PPM1L: variants seen among roughly 807,000 people sequenced by gnomAD.
PPM1L encodes the protein protein phosphatase, Mg2+/Mn2+ dependent 1L, also known as protein phosphatase 1L.
In PPM1L, 13 loss-of-function variants were observed where a neutral mutation model predicts 31.4. The ratio of observed to expected loss-of-function variants is 0.41; its 90% CI spans 0.27 to 0.66. The LOEUF is 0.66. PPM1L is among the 30% of genes least tolerant of loss of function. The pLI, the probability that PPM1L is intolerant of heterozygous loss-of-function variation, is 0.29. For missense variants in PPM1L, 326 were observed against 453.7 expected, an observed-to-expected ratio of 0.72 and a Z score of 2.56; for synonymous variants, 184 against 175.4, an observed-to-expected ratio of 1.05 and a Z score of -0.39.
intron 1 of PPM1L, among the ~76,000 whole-genome samples, chr3:160,903,234 G>A (rs1713622675): frequency 6.8e-6 from 1 of 148,016 alleles, no homozygotes; most frequent in South Asian, 2.2e-4. Context: ...GTGTGTGTGT[G>A]TGTGTGTATT....
chr3:161,020,422 A>G (rs1161575031), intron 2 of PPM1L, among the ~76,000 whole-genome samples: 1 of 152,180 alleles, frequency 6.6e-6, no homozygotes, highest in Non-Finnish European at 1.5e-5. Flanking sequence ...TGACCTTAAC[A>G]TAAGCAAGGC....
At chr3:161,015,127 C>T (rs1201390878) in intron 2 of PPM1L, among the ~76,000 whole-genome samples, 4 of 152,098 alleles carry the variant, frequency 2.6e-5, no homozygotes, top group African/African-American at 9.7e-5. Flanking sequence ...TCTCTTAACA[C>T]CACTCACACA....
chr3:161,059,186 C>T (rs1343540556), intron 2 of PPM1L, among the ~76,000 whole-genome samples: 2 of 152,070 alleles, frequency 1.3e-5, no homozygotes, highest in African/African-American at 4.8e-5. Flanking sequence ...CTGTAATGTA[C>T]CTTTATTGCT....
At chr3:160,946,788 C>A (rs1199270753) in intron 1 of PPM1L, among the ~76,000 whole-genome samples, 1 of 152,108 alleles carries the variant, frequency 6.6e-6, no homozygotes, top group African/African-American at 2.4e-5. Flanking sequence ...CTTAAAAGTT[C>A]ATTTTAATTT....
intron 1 of PPM1L, among the ~76,000 whole-genome samples, chr3:160,957,237 AT>A (rs957531600): frequency 6.6e-6 from 1 of 152,070 alleles, no homozygotes; most frequent in East Asian, 1.9e-4. Context: ...ACATGATCTC[AT>A]TTTTTTATAG....
intron 2 of PPM1L, among the ~76,000 whole-genome samples, chr3:161,016,831 C>T (rs1274693021): frequency 6.6e-6 from 1 of 152,136 alleles, no homozygotes; most frequent in Non-Finnish European, 1.5e-5. Context: ...GGTGTGGAGA[C>T]TTTCTGAGAG....
intron 2 of PPM1L, among the ~76,000 whole-genome samples, chr3:160,992,244 G>A (rs1236455471): frequency 1.3e-5 from 2 of 152,176 alleles, no homozygotes; most frequent in Non-Finnish European, 1.5e-5. Context: ...TTCCAGTTCT[G>A]ATCAAGCTAA....
At chr3:160,775,836 AT>A (rs1476694967) in intron 1 of PPM1L, among the ~76,000 whole-genome samples, 7 of 152,236 alleles carry the variant, frequency 4.6e-5, no homozygotes, top group African/African-American at 1.7e-4. Flanking sequence ...GCAAAATAAA[AT>A]TAAACATAGT....
chr3:160,914,556 T>A (rs1714090681), intron 1 of PPM1L, among the ~76,000 whole-genome samples: 1 of 151,580 alleles, frequency 6.6e-6, no homozygotes, highest in Admixed American at 6.6e-5. Context: ...TTTCTGTCCT[T>A]GCGATAGTTT....
At chr3:160,816,669 G>A (rs999559547) in intron 1 of PPM1L, among the ~76,000 whole-genome samples, 12 of 151,774 alleles carry the variant, frequency 7.9e-5, no homozygotes, top group African/African-American at 2.7e-4. Context: ...GAAATATAGG[G>A]GAAAAAATCT....
intron 2 of PPM1L, among the ~76,000 whole-genome samples, chr3:160,972,256 T>A (rs1404566154): frequency 3.9e-5 from 6 of 152,152 alleles, no homozygotes; most frequent in African/African-American, 1.4e-4. Context: ...CGTGCAGGTT[T>A]GTTACATATG....
intron 2 of PPM1L, among the ~76,000 whole-genome samples, chr3:161,058,051 G>T (rs916351966): frequency 3.4e-5 from 5 of 148,334 alleles, no homozygotes; most frequent in African/African-American, 9.9e-5. Flanking sequence ...TTCCAGAGAG[G>T]TTAAGTATAT....
In PPM1L at chr3:161,069,814, A is replaced by G. The variant is rs1252154157; in HGVS notation, c.*657A>G. ...ATAACCCTCTTCCCTTGCTTCCTTT[A>G]ATAGTTAAATAGACTTTGTATACCA... On this transcript the variant is annotated 3_prime_UTR_variant, in exon 4 of 4. Transcript: ENST00000498165. The G allele has an allele frequency of 2.0e-5, 3 of 152,656 alleles. No individual in the cohort carries two copies. The East Asian group carries it at 5.8e-4, about 29-fold the overall frequency. 9.5% of individuals were successfully genotyped at this position (152,656 alleles called of 1,614,324 possible). A position where few individuals can be genotyped will look rare whatever the true frequency, so the allele number is the denominator to read the frequency against.
intron 1 of PPM1L, among the ~76,000 whole-genome samples, chr3:160,809,214 C>T (rs1712733941): frequency 1.3e-5 from 2 of 152,066 alleles, no homozygotes; most frequent in Non-Finnish European, 2.9e-5. Flanking sequence ...ATTTCCTCTT[C>T]CTTTGATTGG....
At chr3:160,901,324 C>G (rs978666190) in intron 1 of PPM1L, among the ~76,000 whole-genome samples, 6 of 152,064 alleles carry the variant, frequency 3.9e-5, no homozygotes, top group African/African-American at 1.4e-4. Flanking sequence ...TATAACATAG[C>G]CTCCTAGTTG....
At chr3:160,825,176 A>T (rs1228733105) in intron 1 of PPM1L, among the ~76,000 whole-genome samples, 1 of 126,474 alleles carries the variant, frequency 7.9e-6, no homozygotes, top group African/African-American at 3.4e-5. Context: ...AGATAGATGG[A>T]TAAACAGATA....
intron 2 of PPM1L, among the ~76,000 whole-genome samples, chr3:161,027,683 G>A (rs1019936561): frequency 3.9e-5 from 6 of 152,152 alleles, no homozygotes; most frequent in African/African-American, 1.4e-4. Context: ...TGGCAACACA[G>A]CCAAACCATA....
At chr3:160,866,420 C>G (rs949032810) in intron 1 of PPM1L, among the ~76,000 whole-genome samples, 4 of 152,134 alleles carry the variant, frequency 2.6e-5, no homozygotes, top group Non-Finnish European at 5.9e-5. Flanking sequence ...TGCTTTGTTG[C>G]AAAGATCCAT....
chr3:160,911,807 A>G (rs538226552), intron 1 of PPM1L, among the ~76,000 whole-genome samples: 5 of 152,336 alleles, frequency 3.3e-5, no homozygotes, highest in African/African-American at 1.2e-4. Flanking sequence ...AGGAGCACAC[A>G]GAGTGGATCC....
Sources: gnomAD v4.1 joint callset for allele counts (sites outside exome capture counted in the v4.1 genomes callset) on GRCh38, gnomAD v4.1.1 for gene constraint, MANE v1.5 for transcripts, NCBI Gene and HGNC (gene_info 2026-07-23, HGNC 2026-07-21) for gene names.